ZC3H3: variants seen among roughly 807,000 people sequenced by gnomAD.
ZC3H3 encodes the protein zinc finger CCCH-type containing 3, also known as zinc finger CCCH domain-containing protein 3.
ZC3H3 carries 36 observed loss-of-function variants against 77.3 expected under a neutral mutation model. The observed-to-expected ratio is 0.47, with a 90% CI of 0.36 to 0.61. The LOEUF (loss-of-function observed/expected upper bound fraction) is 0.61. ZC3H3 is among the 20% of genes least tolerant of loss of function. The pLI is 0.00. For synonymous variants in ZC3H3, 626 were observed against 555.2 expected, an observed-to-expected ratio of 1.13 and a Z score of -1.79; for missense variants, 1,331 against 1,312.2, an observed-to-expected ratio of 1.01 and a Z score of -0.22.
At chr8:143,500,629 A>T (rs9886386) in intron 4 of ZC3H3, among the ~76,000 whole-genome samples, 74,335 of 152,022 alleles carry the variant, frequency 0.49, 18,550 homozygotes, top group East Asian at 0.67. Flanking sequence ...TGCCGGCACC[A>T]GGTGAGGGTT....
chr8:143,487,675 AC>A (rs1821088235), intron 4 of ZC3H3, among the ~76,000 whole-genome samples: 1 of 31,948 alleles, frequency 3.1e-5, no homozygotes, highest in Non-Finnish European at 6.3e-5. Context: ...CCGCTACACG[AC>A]CCCATCACCA....
intron 4 of ZC3H3, among the ~76,000 whole-genome samples, chr8:143,485,988 G>A (rs561578025): frequency 6.6e-6 from 1 of 152,354 alleles, no homozygotes; most frequent in Admixed American, 6.5e-5. Flanking sequence ...TGCTGCTGCT[G>A]GCAGGCTGGG....
At chr8:143,443,091 G>A (rs1819787635) in intron 9 of ZC3H3, among the ~76,000 whole-genome samples, 1 of 151,998 alleles carries the variant, frequency 6.6e-6, no homozygotes, top group South Asian at 2.1e-4. Context: ...TGACCAACAT[G>A]GTGAAACGGT....
chr8:143,475,287 A>G, intron 5 of ZC3H3, 111 bp downstream of exon 5: 1 of 1,335,304 alleles, frequency 7.5e-7, no homozygotes, highest in Non-Finnish European at 1.0e-6. Flanking sequence ...GGCGTGAGCC[A>G]AGGCCCAGAG....
chr8:143,499,884 C>T (rs542291505), intron 4 of ZC3H3, among the ~76,000 whole-genome samples: 43 of 152,318 alleles, frequency 2.8e-4, no homozygotes, highest in Non-Finnish European at 3.8e-4. Context: ...GGAGCCACAC[C>T]GGCCCTCACA....
At chr8:143,491,143 T>C (rs1216195477) in intron 4 of ZC3H3, among the ~76,000 whole-genome samples, 1 of 152,022 alleles carries the variant, frequency 6.6e-6, no homozygotes, top group East Asian at 1.9e-4. Flanking sequence ...GCTGGGCAGA[T>C]GGGGCAGGAG....
At chr8:143,438,646 G>A (rs912454070) in intron 11 of ZC3H3, among the ~76,000 whole-genome samples, 2 of 152,158 alleles carry the variant, frequency 1.3e-5, no homozygotes, top group East Asian at 1.9e-4. Context: ...AAGCCCAGGG[G>A]CTCCTGCCCC....
At chr8:143,475,785 C>T (rs890125169) in intron 4 of ZC3H3, among the ~76,000 whole-genome samples, 200 bp from the exon 5 acceptor site, 2 of 152,132 alleles carry the variant, frequency 1.3e-5, no homozygotes, top group Non-Finnish European at 2.9e-5. Context: ...TGGCCCCCAA[C>T]CCCCACCTCA....
At chr8:143,439,953 G>T (rs201544933) in intron 11 of ZC3H3, 88 bp downstream of exon 11, 5 of 947,606 alleles carry the variant, frequency 5.3e-6, no homozygotes, top group South Asian at 4.2e-5. Context: ...TGAGGGGGGG[G>T]CCCTGGGGGC....
In ZC3H3 at chr8:143,524,702, A is replaced by AGCTGC. The variant is rs1450106426; in HGVS notation, c.1561+11550_1561+11554dup. Among the ~76,000 whole-genome samples, 20 of 152,248 alleles carry AGCTGC rather than the reference A, an allele frequency of 1.3e-4. No individual in the cohort carries two copies. In the East Asian group the frequency reaches 3.5e-3, roughly 26 times the overall value. On this transcript the variant is annotated intron_variant, in intron 3 of 11. Transcript: ENST00000262577. The stretch of plus-strand genomic sequence containing the variant: ...AGCACCTTCGAGGCAAAGGGGAGTG[A>AGCTGC]GCTGCGCTGCGCTGCACTGGTGGCC...
At chr8:143,463,280 C>G (rs190740117) in intron 9 of ZC3H3, among the ~76,000 whole-genome samples, 5 of 149,870 alleles carry the variant, frequency 3.3e-5, no homozygotes, top group Admixed American at 2.6e-4. Flanking sequence ...CCACCGCGCC[C>G]GGCCCAGACC....
chr8:143,459,601 C>G lies in ZC3H3; in HGVS notation c.2307+6116G>C, dbSNP rs112897296. 2.5e-3 allele frequency among the ~76,000 whole-genome samples: 384 copies of G among 152,172 alleles called. 3 individuals carry two copies. The highest frequency in any genetic ancestry group is 8.4e-3 in the African/African-American group (348 of 41,502). On this transcript the variant is annotated intron_variant, in intron 9 of 11. Transcript: ENST00000262577. The stretch of plus-strand genomic sequence containing the variant: ...CATCATAACCAATTACTCCCAGATG[C>G]AAGGATGGTTTCATACACAAAAATC...
At chr8:143,478,377 G>A (rs899688065) in intron 4 of ZC3H3, among the ~76,000 whole-genome samples, 1 of 152,216 alleles carries the variant, frequency 6.6e-6, no homozygotes, top group African/African-American at 2.4e-5. Context: ...TGGGGCAGAG[G>A]CATCAGGGCC....
intron 4 of ZC3H3, among the ~76,000 whole-genome samples, chr8:143,500,971 C>T (rs1241973603): frequency 7.1e-6 from 1 of 140,910 alleles, no homozygotes; most frequent in Non-Finnish European, 1.5e-5. Context: ...TGCTACCATG[C>T]CCGACCTTTT....
At chr8:143,509,764 G>A (rs915539445) in intron 3 of ZC3H3, among the ~76,000 whole-genome samples, 12 of 152,148 alleles carry the variant, frequency 7.9e-5, no homozygotes, top group Non-Finnish European at 7.4e-5. Flanking sequence ...GGCCACCCTC[G>A]GGCCCCGGGG....
chr8:143,490,023 G>C (rs751296258), intron 4 of ZC3H3, among the ~76,000 whole-genome samples: 14 of 152,168 alleles, frequency 9.2e-5, no homozygotes, highest in African/African-American at 1.2e-4. Context: ...CAGGCCACAG[G>C]GTTCCAGGGA....
At chr8:143,525,318 A>C (rs946034057) in intron 3 of ZC3H3, among the ~76,000 whole-genome samples, 1 of 152,236 alleles carries the variant, frequency 6.6e-6, no homozygotes, top group Non-Finnish European at 1.5e-5. Context: ...AGGGGACCAG[A>C]AAGGAGGGCC....
intron 4 of ZC3H3, among the ~76,000 whole-genome samples, chr8:143,503,923 C>G (rs973614293): frequency 1.3e-5 from 2 of 152,228 alleles, no homozygotes; most frequent in African/African-American, 4.8e-5. Context: ...TGTCCTCCAG[C>G]CTTCCACATG....
chr8:143,441,620 T>C (rs1379036231), intron 9 of ZC3H3, among the ~76,000 whole-genome samples: 1 of 152,140 alleles, frequency 6.6e-6, no homozygotes, highest in Non-Finnish European at 1.5e-5. Flanking sequence ...CTAGCACCTG[T>C]CACAGTGCTA....
Sources: allele counts gnomAD v4.1 joint callset (sites outside exome capture counted in the v4.1 genomes callset), GRCh38; gene constraint gnomAD v4.1.1; transcripts MANE v1.5; gene names NCBI Gene and HGNC (gene_info 2026-07-23, HGNC 2026-07-21).